Variants in GCM1 observed in about 807,000 individuals in gnomAD.
The protein encoded by GCM1 is GCM transcription factor 1, also known as chorion-specific transcription factor GCMa.
Under a neutral mutation model 25.7 loss-of-function variants are expected in GCM1, and 2 were observed. That is an observed-to-expected ratio of 0.08 (90% CI 0.03 to 0.24). The LOEUF (loss-of-function observed/expected upper bound fraction) is 0.24, where lower values mean the gene tolerates loss of function less well. Among genes scored for constraint, GCM1 ranks in the 10% least tolerant of loss-of-function variants. GCM1 has a pLI of 1.00. For missense variants in GCM1, 395 were observed against 538.7 expected (o/e 0.73, Z 2.64); for synonymous variants, 183 against 195.7 (o/e 0.94, Z 0.54).
chr6:53,144,263 AT>A (rs149706634), intron 2 of GCM1, among the ~76,000 whole-genome samples: 2 of 150,436 alleles, frequency 1.3e-5, no homozygotes, highest in East Asian at 1.9e-4. Context: ...TCTCAAAAAC[AT>A]TTTTTTTTCA....
intron 5 of GCM1, among the ~76,000 whole-genome samples, chr6:53,129,385 A>C (rs1763692908): frequency 6.7e-6 from 1 of 150,068 alleles, no homozygotes; most frequent in Non-Finnish European, 1.5e-5. Flanking sequence ...AGCAATTCTC[A>C]TGTCTCAGCC....
At chr6:53,140,373 C>T (rs932112962) in intron 2 of GCM1, among the ~76,000 whole-genome samples, 2 of 152,080 alleles carry the variant, frequency 1.3e-5, no homozygotes, top group Non-Finnish European at 2.9e-5. Flanking sequence ...ACAGAGAGAG[C>T]TCAAATATTC....
At chr6:53,129,446 G>T (rs184023114) in intron 5 of GCM1, among the ~76,000 whole-genome samples, 129 of 152,054 alleles carry the variant, frequency 8.5e-4, no homozygotes, top group Non-Finnish European at 1.5e-3. Context: ...GCTAATTTTT[G>T]TATTTTCAGT....
rs139269714 is a variant in GCM1 at position 53,134,157 on chromosome 6, C to T, written c.243G>A (p.Val81=). 7.4e-6 allele frequency: 12 copies of T among 1,614,038 alleles called. No individual in the cohort carries two copies. Among genetic ancestry groups the T allele is most frequent in the Non-Finnish European group, 9.3e-6 (11 of 1,180,016 alleles). The part of the protein sequence containing the change: ...ILKKSCLGVV[V]CGRDCLAEEG... ...CCTCTGCGAGACAGTCGCGGCCGCA[C>T]ACCACCACACCCAGGCAGGACTTCT... The change falls in exon 3 of 6, where the codon GTG becomes GTA. Residue 81 remains valine (V), a synonymous_variant. Transcript: ENST00000259803.
At chr6:53,144,753 A>G (rs997829158) in intron 2 of GCM1, among the ~76,000 whole-genome samples, 3 of 152,008 alleles carry the variant, frequency 2.0e-5, no homozygotes, top group African/African-American at 4.8e-5. Context: ...CATCTCTACA[A>G]AAAATACAAA....
chr6:53,140,238 G>A (rs1252850017), intron 2 of GCM1, among the ~76,000 whole-genome samples: 1 of 152,166 alleles, frequency 6.6e-6, no homozygotes, highest in Non-Finnish European at 1.5e-5. Context: ...AACGTGACCT[G>A]CTCATACAGG....
At position 53,145,723 on chromosome 6, in the gene GCM1, G is replaced by C; in HGVS notation, c.-91C>G. On this transcript the variant is annotated 5_prime_UTR_variant, in exon 2 of 6. In the 5' UTR this introduces an upstream ATG that the reference lacks. Coordinates refer to ENST00000259803, the MANE Select transcript of GCM1 (RefSeq NM_003643.4). ...TTCTCAAAGGTTCTTGATATAGCTG[G>C]ATCGGCCCACTCAAGCACCTTGGAC... is the stretch of plus-strand genomic sequence containing the variant. 1.3e-6 allele frequency: 1 copy of C among 755,590 alleles called. No homozygotes were observed. Among genetic ancestry groups the C allele is most frequent in the Non-Finnish European group, 2.3e-6 (1 of 425,824 alleles). 46.8% of individuals were successfully genotyped at this position (755,590 alleles called of 1,614,324 possible). A position where few individuals can be genotyped will look rare whatever the true frequency, so the allele number is the denominator to read the frequency against.
chr6:53,132,554 A>G (rs956227664), intron 3 of GCM1, among the ~76,000 whole-genome samples: 2 of 152,178 alleles, frequency 1.3e-5, no homozygotes, highest in African/African-American at 2.4e-5. Flanking sequence ...TCTACTAAAA[A>G]TACAAAAATT....
chr6:53,137,852 T>C (rs1189005821), intron 2 of GCM1, among the ~76,000 whole-genome samples: 1 of 152,146 alleles, frequency 6.6e-6, no homozygotes, highest in Non-Finnish European at 1.5e-5. Context: ...GAGCGGAATG[T>C]ATTTGTGAGA....
intron 4 of GCM1, among the ~76,000 whole-genome samples, chr6:53,131,750 T>C (rs571049580): frequency 1.3e-5 from 2 of 152,300 alleles, no homozygotes; most frequent in East Asian, 3.9e-4. Context: ...GCGGCATGCT[T>C]AGAAGCACTG....
intron 2 of GCM1, among the ~76,000 whole-genome samples, chr6:53,142,313 A>G (rs1037991133): frequency 3.9e-5 from 6 of 152,242 alleles, no homozygotes; most frequent in African/African-American, 9.6e-5. Context: ...TCTGGGGAAC[A>G]TCAACCCCTG....
chr6:53,134,709 T>C (rs1182777490), intron 2 of GCM1, among the ~76,000 whole-genome samples: 1 of 152,206 alleles, frequency 6.6e-6, no homozygotes, highest in Non-Finnish European at 1.5e-5. Flanking sequence ...AGGGTGTGCC[T>C]GCAGTCCTAG....
chr6:53,143,226 C>G (rs553905256), intron 2 of GCM1, among the ~76,000 whole-genome samples: 1 of 152,308 alleles, frequency 6.6e-6, no homozygotes, highest in Admixed American at 6.5e-5. Context: ...AAATACATTT[C>G]TAAAACCAAA....
At chr6:53,137,118 G>C (rs1763812292) in intron 2 of GCM1, among the ~76,000 whole-genome samples, 1 of 152,208 alleles carries the variant, frequency 6.6e-6, no homozygotes, top group South Asian at 2.1e-4. Flanking sequence ...TGTGGTTTGG[G>C]AAGGGGGAAG....
At chr6:53,144,251 C>T (rs909265576) in intron 2 of GCM1, among the ~76,000 whole-genome samples, 2 of 151,168 alleles carry the variant, frequency 1.3e-5, no homozygotes, top group African/African-American at 4.9e-5. Context: ...GTGAGACCCT[C>T]CTCTCAAAAA....
Position 53,132,061 on chromosome 6 carries a change from C to T in GCM1, c.387G>A (p.Gly129=). The change falls in exon 4 of 6, where the codon GGG becomes GGA. Residue 129 remains glycine (G), a synonymous_variant. Transcript: ENST00000259803. Reference sequence around the variant, plus strand: ...TCCAGAAGTTGGTGACCGGGAAGCCCCCATGACCTCGGCAAGGGATGAGCT... The same window carrying T: ...TCCAGAAGTTGGTGACCGGGAAGCCTCCATGACCTCGGCAAGGGATGAGCT... ...PLKLIPCRGH[G]GFPVTNFWRH... 1 of 1,613,652 alleles carries T rather than the reference C, an allele frequency of 6.2e-7. No individual in the cohort carries two copies. The highest frequency in any genetic ancestry group is 2.2e-5 in the East Asian group (1 of 44,876).
At chr6:53,145,829 C>T (rs1011391480) in intron 1 of GCM1, 61 bp from the exon 2 acceptor site, 1 of 492,250 alleles carries the variant, frequency 2.0e-6, no homozygotes, top group Non-Finnish European at 3.5e-6. Flanking sequence ...AACCCCAATG[C>T]TCCTCTGCCA....
At chr6:53,133,157 C>A (rs974934489) in intron 3 of GCM1, among the ~76,000 whole-genome samples, 6 of 152,138 alleles carry the variant, frequency 3.9e-5, no homozygotes, top group Non-Finnish European at 7.4e-5. Flanking sequence ...TTAACATTAA[C>A]CCCTGAAGGG....
chr6:53,128,576 G>A lies in GCM1; in HGVS notation c.941C>T (p.Ser314Phe), dbSNP rs972299340. The A allele has an allele frequency of 6.2e-7, 1 of 1,614,068 alleles. No individual in the cohort carries two copies. The highest frequency in any genetic ancestry group is 2.2e-5 in the East Asian group (1 of 44,868). Residue 314 changes from serine (S) to phenylalanine (F), a missense_variant, in exon 6 of 6, where the codon TCC becomes TTC. Ser to Phe is a radical substitution (Grantham distance 155). Coordinates refer to ENST00000259803, the MANE Select transcript of GCM1 (RefSeq NM_003643.4). ...GRNHLADNCY[S>F]NYPFPLTSWP... ...GCTGGTCAGAGGAAAAGGATAATTG[G>A]AATAACAGTTGTCAGCAAGATGATT...
Sources: gnomAD v4.1 joint callset for allele counts (sites outside exome capture counted in the v4.1 genomes callset) on GRCh38, gnomAD v4.1.1 for gene constraint, MANE v1.5 for transcripts, NCBI Gene and HGNC (gene_info 2026-07-23, HGNC 2026-07-21) for gene names.